The following GTF2F2 variants were observed in gnomAD, a reference collection of about 807,000 sequenced individuals.
GTF2F2 encodes ATP-dependent helicase GTF2F2.
A neutral mutation model predicts 42.2 loss-of-function variants in GTF2F2; 23 were observed. The ratio of observed to expected loss-of-function variants is 0.55; its 90% CI spans 0.39 to 0.77. The LOEUF (loss-of-function observed/expected upper bound fraction) is 0.77, where lower values mean the gene tolerates loss of function less well. Ranked by LOEUF, GTF2F2 falls within the 30% of genes least tolerant of loss-of-function variation. The pLI is 0.00. For synonymous variants in GTF2F2, 105 were observed against 100.8 expected, an observed-to-expected ratio of 1.04 and a Z score of -0.25; for missense variants, 261 against 287.2, an observed-to-expected ratio of 0.91 and a Z score of 0.66.
At chr13:45,245,189 A>C (rs887600998) in intron 5 of GTF2F2, among the ~76,000 whole-genome samples, 1 of 152,196 alleles carries the variant, frequency 6.6e-6, no homozygotes, top group South Asian at 2.1e-4. Flanking sequence ...TTCAAGTAAA[A>C]TGTGGTGAAT....
At chr13:45,283,352 T>C (rs1399003727) in intron 7 of GTF2F2, 90 bp from the exon 8 acceptor site, 16 of 1,148,882 alleles carry the variant, frequency 1.4e-5, no homozygotes, top group Non-Finnish European at 1.9e-5. Context: ...TTTTTATGGC[T>C]TGCATATGTG....
chr13:45,209,716 C>T (rs891929471), intron 5 of GTF2F2, among the ~76,000 whole-genome samples: 3 of 152,094 alleles, frequency 2.0e-5, no homozygotes, highest in East Asian at 1.9e-4. Context: ...ATACAAAAGC[C>T]GGGTTGAATG....
intron 4 of GTF2F2, among the ~76,000 whole-genome samples, chr13:45,157,822 T>C (rs887531229): frequency 4.6e-5 from 7 of 152,076 alleles, no homozygotes; most frequent in African/African-American, 1.7e-4. Flanking sequence ...CGTGCAAAGC[T>C]GTCCACCTGC....
At chr13:45,193,777 GAC>G in intron 4 of GTF2F2, 1 of 1,560,212 alleles carries the variant, frequency 6.4e-7, no homozygotes, top group Non-Finnish European at 8.6e-7. Context: ...CTTTGTTCGT[GAC>G]ACAGGTAATT....
At chr13:45,229,364 A>G (rs924214234) in intron 5 of GTF2F2, among the ~76,000 whole-genome samples, 14 of 151,932 alleles carry the variant, frequency 9.2e-5, no homozygotes, top group African/African-American at 3.1e-4. Flanking sequence ...TCACCTCCGG[A>G]AAAGCCTCCC....
chr13:45,260,545 C>T (rs538155177), intron 6 of GTF2F2, among the ~76,000 whole-genome samples: 1 of 152,296 alleles, frequency 6.6e-6, no homozygotes, highest in South Asian at 2.1e-4. Context: ...ACAAAGACTG[C>T]CTTGACAAAA....
intron 5 of GTF2F2, among the ~76,000 whole-genome samples, chr13:45,240,452 GTTGGT>G (rs1410262227): frequency 6.6e-6 from 1 of 152,132 alleles, no homozygotes; most frequent in African/African-American, 2.4e-5. Flanking sequence ...AGGGTTTTCT[GTTGGT>G]TTGGTTTGGT....
In GTF2F2 at chr13:45,239,401, A is replaced by G. The variant is rs139761852; in HGVS notation, c.387-13470A>G. Among the ~76,000 whole-genome samples, 986 of 152,338 alleles carry G rather than the reference A, an allele frequency of 6.5e-3. 11 individuals are homozygous for G. The highest frequency in any genetic ancestry group is 0.023 in the African/African-American group (947 of 41,570). ...ATAGTGACTCTCTGGAATGCTGGTG[A>G]TATACTCTTCCTAAAGAAGTGATAG... On this transcript the variant is annotated intron_variant, in intron 5 of 7. Transcript: ENST00000340473.
intron 2 of GTF2F2, among the ~76,000 whole-genome samples, chr13:45,143,769 TG>T (rs1294771431): frequency 6.6e-6 from 1 of 152,184 alleles, no homozygotes; most frequent in Non-Finnish European, 1.5e-5. Context: ...TTCCTGAATT[TG>T]GTTCTGTCTT....
At chr13:45,162,510 A>G (rs769250328) in intron 4 of GTF2F2, among the ~76,000 whole-genome samples, 17 of 152,226 alleles carry the variant, frequency 1.1e-4, no homozygotes, top group Non-Finnish European at 2.1e-4. Context: ...GACTGACTGC[A>G]GAGATTTAGT....
At chr13:45,228,492 G>C (rs920370989) in intron 5 of GTF2F2, among the ~76,000 whole-genome samples, 1 of 148,514 alleles carries the variant, frequency 6.7e-6, no homozygotes, top group Admixed American at 6.7e-5. Context: ...ACTTAGATTA[G>C]GCCCCCAGAA....
chr13:45,231,470 T>G (rs1874679916), intron 5 of GTF2F2, among the ~76,000 whole-genome samples: 1 of 152,164 alleles, frequency 6.6e-6, no homozygotes, highest in Non-Finnish European at 1.5e-5. Flanking sequence ...ATTCTCTCAC[T>G]TCTATTCATC....
chr13:45,122,176 C>A (rs1868675455), intron 1 of GTF2F2, among the ~76,000 whole-genome samples: 2 of 152,040 alleles, frequency 1.3e-5, no homozygotes, highest in South Asian at 4.1e-4. Context: ...ATTGTCATAT[C>A]ATGAAACGGA....
intron 4 of GTF2F2, among the ~76,000 whole-genome samples, chr13:45,164,587 G>A (rs1447568564): frequency 2.0e-5 from 3 of 152,134 alleles, no homozygotes; most frequent in Admixed American, 6.5e-5. Context: ...AGCTGGGTAT[G>A]GTGGCATGCA....
chr13:45,135,860 C>T (rs983228642), intron 1 of GTF2F2, among the ~76,000 whole-genome samples: 5 of 152,170 alleles, frequency 3.3e-5, no homozygotes, highest in Non-Finnish European at 7.3e-5. Flanking sequence ...CTCATTTACT[C>T]CTAATAATAG....
intron 4 of GTF2F2, among the ~76,000 whole-genome samples, chr13:45,153,406 CAG>C (rs1025497043): frequency 1.3e-4 from 20 of 151,996 alleles, no homozygotes; most frequent in African/African-American, 4.8e-4. Context: ...TACAGTATAA[CAG>C]AATGGTAAAT....
intron 4 of GTF2F2, among the ~76,000 whole-genome samples, chr13:45,159,190 G>A (rs576504381): frequency 2.0e-5 from 3 of 152,306 alleles, no homozygotes; most frequent in Admixed American, 2.0e-4. Flanking sequence ...TTTCAAGCTT[G>A]AATTTGGTAA....
At chr13:45,236,331 C>T (rs1337791175) in intron 5 of GTF2F2, among the ~76,000 whole-genome samples, 1 of 151,908 alleles carries the variant, frequency 6.6e-6, no homozygotes, top group African/African-American at 2.4e-5. Flanking sequence ...AGTAGGAGGC[C>T]CTAGAATTTG....
chr13:45,218,082 G>A (rs1873963712), intron 5 of GTF2F2, among the ~76,000 whole-genome samples: 1 of 152,230 alleles, frequency 6.6e-6, no homozygotes. Context: ...AGAACTCACT[G>A]AAATTAAACC....
Sources: gnomAD v4.1 joint callset for allele counts (sites outside exome capture counted in the v4.1 genomes callset) on GRCh38, gnomAD v4.1.1 for gene constraint, MANE v1.5 for transcripts, NCBI Gene and HGNC (gene_info 2026-07-23, HGNC 2026-07-21) for gene names.